PFKL: variants seen among roughly 807,000 people sequenced by gnomAD.
PFKL encodes phosphofructokinase, liver type.
In PFKL, 74 loss-of-function variants were observed where a neutral mutation model predicts 92.1. The observed-to-expected ratio is 0.80, with a 90% CI of 0.67 to 0.97. PFKL has a LOEUF of 0.97. Ranked by LOEUF, PFKL falls within the 50% of genes least tolerant of loss-of-function variation. PFKL has a pLI of 0.00. For missense variants in PFKL, 1,028 were observed against 1,116.6 expected (o/e 0.92, Z 1.13); for synonymous variants, 494 against 456.4 (o/e 1.08, Z -1.05).
intron 7 of PFKL, 80 bp from the exon 8 acceptor site, chr21:44,316,164 A>G (rs997518096): frequency 7.6e-7 from 1 of 1,314,522 alleles, no homozygotes; most frequent in Non-Finnish European, 1.1e-6. Flanking sequence ...GGCCCCAGGG[A>G]GGGCTCCTGG....
At chr21:44,305,168 A>C in intron 1 of PFKL, 1 of 1,104,090 alleles carries the variant, frequency 9.1e-7, no homozygotes, top group Non-Finnish European at 1.2e-6. Flanking sequence ...TCCCTCTGGG[A>C]TCTCATTGGA....
At chr21:44,309,657 A>G (rs545313930) in intron 2 of PFKL, among the ~76,000 whole-genome samples, 330 of 152,228 alleles carry the variant, frequency 2.2e-3, no homozygotes, top group African/African-American at 7.5e-3. Flanking sequence ...TGAGTTTTGC[A>G]GACAGACCTG....
chr21:44,303,858 C>A (rs925533322), intron 1 of PFKL, among the ~76,000 whole-genome samples: 1 of 152,138 alleles, frequency 6.6e-6, no homozygotes, highest in Non-Finnish European at 1.5e-5. Flanking sequence ...TGGTAGGCAG[C>A]GGCAGGCCCA....
At chr21:44,312,789 C>T (rs896351241) in intron 4 of PFKL, among the ~76,000 whole-genome samples, 189 bp from the exon 5 acceptor site, 2 of 152,220 alleles carry the variant, frequency 1.3e-5, no homozygotes, top group African/African-American at 4.8e-5. Context: ...CCCGTCTGCA[C>T]TTGGCCCCAG....
At chr21:44,300,477 C>T (rs1261030989) in intron 1 of PFKL, among the ~76,000 whole-genome samples, 1 of 152,196 alleles carries the variant, frequency 6.6e-6, no homozygotes, top group Non-Finnish European at 1.5e-5. Flanking sequence ...GGCAGGACCT[C>T]CCGAGGAGTC....
chr21:44,307,816 G>A (rs3788118), intron 2 of PFKL, among the ~76,000 whole-genome samples: 25,339 of 152,186 alleles, frequency 0.17, 2,328 homozygotes, highest in East Asian at 0.27. Context: ...GGCTGTGTCC[G>A]TACAAACCCC....
chr21:44,324,311 ACCC>A (rs1423862402), intron 16 of PFKL, 177 bp from the exon 17 acceptor site: 2 of 632,556 alleles, frequency 3.2e-6, no homozygotes, highest in Non-Finnish European at 5.4e-6. Context: ...CTGGTTGAGA[ACCC>A]CTGGTCCTGT....
In PFKL at chr21:44,313,150, G is replaced by A. The variant is rs758593981; in HGVS notation, c.593+7G>A. On this transcript the variant is annotated splice_region_variant and intron_variant, in intron 5 of 21. Transcript: ENST00000349048. ...TCACCACCACTGCCCAGAGGTGAGTGAGGCTGGCGCCGGCGGCCAGCCCAG... is the reference window on the plus strand; with the variant it reads ...TCACCACCACTGCCCAGAGGTGAGTAAGGCTGGCGCCGGCGGCCAGCCCAG... 2 of 1,612,276 alleles carry A rather than the reference G, an allele frequency of 1.2e-6. No individual in the cohort carries two copies. Among genetic ancestry groups the A allele is most frequent in the Non-Finnish European group, 1.7e-6 (2 of 1,179,714 alleles).
At position 44,316,541 on chromosome 21, in the gene PFKL, C is replaced by T. The variant is rs1325859209; in HGVS notation, c.936+17C>T. On this transcript the variant is annotated intron_variant, in intron 9 of 21. Transcript: ENST00000349048. ...CGGATCCTGGTAAGTGGCCATCACC[C>T]TGCCCTGCGTACGTGCGTGGGTAAG... 2 of 1,572,538 alleles carry T rather than the reference C, an allele frequency of 1.3e-6. No homozygotes were observed. Among genetic ancestry groups the T allele is most frequent in the Non-Finnish European group, 8.7e-7 (1 of 1,154,318 alleles).
intron 15 of PFKL, among the ~76,000 whole-genome samples, chr21:44,323,275 G>T (rs935053004): frequency 6.6e-6 from 1 of 152,122 alleles, no homozygotes; most frequent in Non-Finnish European, 1.5e-5. Flanking sequence ...GTGTGGGCTC[G>T]GGAGGGTTCT....
Position 44,327,193 on chromosome 21 carries a change from C to A in PFKL, c.*331C>A. 1 of 395,874 alleles carries A rather than the reference C, an allele frequency of 2.5e-6. No homozygotes were observed. The highest frequency in any genetic ancestry group is 4.8e-6 in the Non-Finnish European group (1 of 210,164). 24.5% of individuals were successfully genotyped at this position (395,874 alleles called of 1,614,324 possible). A position where few individuals can be genotyped will look rare whatever the true frequency, so the allele number is the denominator to read the frequency against. On this transcript the variant is annotated 3_prime_UTR_variant, in exon 22 of 22. Transcript: ENST00000349048. Reference sequence around the variant, plus strand: ...GCCCTCAGCGTCTCCCCATGCTGGGCTCACTACATGGGCCAGCCCTTGCTC... The same window carrying A: ...GCCCTCAGCGTCTCCCCATGCTGGGATCACTACATGGGCCAGCCCTTGCTC...
intron 1 of PFKL, chr21:44,305,322 A>G (rs1296836094): frequency 2.2e-6 from 3 of 1,365,608 alleles, no homozygotes; most frequent in Non-Finnish European, 2.9e-6. Context: ...AGAGCGGATG[A>G]GAAGCATGTG....
rs1051620580 is a variant in PFKL at position 44,321,952 on chromosome 21, G to A, written c.1338+77G>A. The A allele has an allele frequency of 3.1e-5, 46 of 1,497,432 alleles. No individual in the cohort carries two copies. The East Asian group carries it at 6.7e-4, about 22-fold the overall frequency. 92.8% of individuals were successfully genotyped at this position (1,497,432 alleles called of 1,614,324 possible). ...CTTGGGGCATTTCCTGTGGAAGGCCGGCTGCTGGAGGTGGAGGCTGAGACC... is the reference window on the plus strand; with the variant it reads ...CTTGGGGCATTTCCTGTGGAAGGCCAGCTGCTGGAGGTGGAGGCTGAGACC... On this transcript the variant is annotated intron_variant, in intron 13 of 21. Transcript: ENST00000349048.
chr21:44,312,746 C>A (rs1010751391), intron 4 of PFKL, among the ~76,000 whole-genome samples: 1 of 152,204 alleles, frequency 6.6e-6, no homozygotes, highest in South Asian at 2.1e-4. Flanking sequence ...TGATGTGAGG[C>A]CTTGGCCGCT....
At chr21:44,322,075 TGG>T in intron 13 of PFKL, 56 bp from the exon 14 acceptor site, 1 of 1,550,384 alleles carries the variant, frequency 6.5e-7, no homozygotes. Context: ...GGCCCACCCC[TGG>T]GGGGAATTGG....
At chr21:44,322,276 G>A in intron 14 of PFKL, 73 bp downstream of exon 14, 21 of 1,433,126 alleles carry the variant, frequency 1.5e-5, no homozygotes, top group South Asian at 6.1e-5. Flanking sequence ...AGGTGGGGGC[G>A]GCAAGGGGAA....
At position 44,323,317 on chromosome 21, in the gene PFKL, G is replaced by T. The variant is rs111465244; in HGVS notation, c.1497+268G>T. 3.9e-3 allele frequency among the ~76,000 whole-genome samples: 594 copies of T among 152,280 alleles called. 7 individuals are homozygous for T. Among genetic ancestry groups the T allele is most frequent in the African/African-American group, 0.014 (568 of 41,552 alleles). On this transcript the variant is annotated intron_variant, in intron 15 of 21. Transcript: ENST00000349048. ...TCTCCGGAAAGCTTCACAAGGTTCC[G>T]ATTAACCCCAGTGCTGGGGAGGGGC...
At chr21:44,324,002 G>A in intron 16 of PFKL, 84 bp downstream of exon 16, 1 of 1,522,322 alleles carries the variant, frequency 6.6e-7, no homozygotes, top group Non-Finnish European at 9.0e-7. Flanking sequence ...GGAGGGGATA[G>A]TGTGTGGTGA....
intron 12 of PFKL, 38 bp downstream of exon 12, chr21:44,320,185 G>T: frequency 6.3e-7 from 1 of 1,579,516 alleles, no homozygotes; most frequent in Non-Finnish European, 8.7e-7. Flanking sequence ...GGAGGAACGG[G>T]CTCAGTTATT....
Sources: gnomAD v4.1 joint callset for allele counts (sites outside exome capture counted in the v4.1 genomes callset) on GRCh38, gnomAD v4.1.1 for gene constraint, MANE v1.5 for transcripts, NCBI Gene and HGNC (gene_info 2026-07-23, HGNC 2026-07-21) for gene names.